APLP1: variants seen among roughly 807,000 people sequenced by gnomAD.
APLP1 encodes amyloid beta (A4) precursor-like protein 1.
A neutral mutation model predicts 84.5 loss-of-function variants in APLP1; 46 were observed. That is an observed-to-expected ratio of 0.54 (90% confidence interval 0.43 to 0.70). The LOEUF (loss-of-function observed/expected upper bound fraction) is 0.70. Among genes scored for constraint, APLP1 ranks in the 30% least tolerant of loss-of-function variants. The probability of loss-of-function intolerance (pLI) is 0.00; values close to 1 mark genes in which losing one functional copy is unlikely to be tolerated. For synonymous variants in APLP1, 376 were observed against 364.0 expected, an observed-to-expected ratio of 1.03 and a Z score of -0.38; for missense variants, 826 against 900.2, an observed-to-expected ratio of 0.92 and a Z score of 1.05.
intron 4 of APLP1, 92 bp downstream of exon 4, chr19:35,871,441 C>T: frequency 7.4e-7 from 1 of 1,348,718 alleles, no homozygotes; most frequent in East Asian, 2.5e-5. Flanking sequence ...GAGTCTGGGC[C>T]ACCAGCATCC....
chr19:35,876,337 GACTT>G (rs1474561593), intron 10 of APLP1, among the ~76,000 whole-genome samples, 176 bp from the exon 11 acceptor site: 2 of 151,998 alleles, frequency 1.3e-5, no homozygotes, highest in Non-Finnish European at 2.9e-5. Context: ...CTGTTCCTTG[GACTT>G]TATTCTTCAA....
Position 35,879,209 on chromosome 19 carries a change from G to T in APLP1, c.1849G>T (p.Val617Leu). Residue 617 changes from valine to leucine, a missense_variant, in exon 16 of 17, where the codon GTG becomes TTG. Val to Leu is a conservative substitution (Grantham distance 32, BLOSUM62 1). Around this residue, in one of 3 missense-constraint regions of APLP1, gnomAD observed 433 missense variants for 496.5 expected, o/e 0.87. Transcript: ENST00000221891. Reference sequence around the variant, plus strand: ...GCCCTACGGGGCTATCAGCCATGGCGTGGTGGAGGTGAGAACCATGGCGTG... The same window carrying T: ...GCCCTACGGGGCTATCAGCCATGGCTTGGTGGAGGTGAGAACCATGGCGTG... ...KKPYGAISHG[V>L]VEVDPMLTLE... The T allele has an allele frequency of 6.2e-7, 1 of 1,612,658 alleles. No individual in the cohort carries two copies. Among genetic ancestry groups the T allele is most frequent in the Non-Finnish European group, 8.5e-7 (1 of 1,179,716 alleles).
Position 35,868,751 on chromosome 19 carries a change from A to C in APLP1, c.115A>C (p.Ser39Arg). Residue 39 changes from serine (S) to arginine (R), a missense_variant, in exon 1 of 17, where the codon AGC becomes CGC. Ser to Arg is a moderately radical substitution (Grantham distance 110). This residue lies in a region of APLP1 where 383 missense variants were observed against 378.3 expected (regional missense o/e 1.01). Transcript: ENST00000221891. This position sits in a 1 kb window ranked among gnomAD's most constrained non-coding sequence, Gnocchi z 5.2. ...LLLRAQPAIG[S>R]LAGGSPGAAE... Reference sequence around the variant, plus strand: ...TCTGCGCGCGCAGCCCGCCATCGGGAGCCTGGCCGGTGGGAGCCCCGGCGC... The same window carrying C: ...TCTGCGCGCGCAGCCCGCCATCGGGCGCCTGGCCGGTGGGAGCCCCGGCGC... The C allele has an allele frequency of 1.5e-6, 2 of 1,351,180 alleles. No homozygotes were observed. The highest frequency in any genetic ancestry group is 1.9e-6 in the Non-Finnish European group (2 of 1,057,002). The allele number at this position is 1,351,180 out of a possible 1,614,324, so 83.7% of individuals were successfully genotyped here.
In APLP1 at chr19:35,876,404, T is replaced by C. The variant is rs1190880216; in HGVS notation, c.1345-113T>C. The C allele has an allele frequency of 1.6e-5, 14 of 878,624 alleles. No individual in the cohort carries two copies. In the East Asian group the frequency reaches 3.0e-4, roughly 19 times the overall value. 54.4% of individuals were successfully genotyped at this position (878,624 alleles called of 1,614,324 possible). Reference sequence around the variant, plus strand: ...ACCCTTGTACCACACATCCTGTCCATTGCATGTGCCGCTTTTCCTCAGTCG... The same window carrying C: ...ACCCTTGTACCACACATCCTGTCCACTGCATGTGCCGCTTTTCCTCAGTCG... On this transcript the variant is annotated intron_variant, in intron 10 of 16. Coordinates refer to ENST00000221891, the MANE Select transcript of APLP1 (RefSeq NM_001024807.3).
chr19:35,874,899 G>T lies in APLP1; in HGVS notation c.1344+30G>T, dbSNP rs765019201. On this transcript the variant is annotated intron_variant, in intron 10 of 16. Coordinates refer to ENST00000221891, the MANE Select transcript of APLP1 (RefSeq NM_001024807.3). This position sits in a 1 kb window ranked among gnomAD's most constrained non-coding sequence, Gnocchi z 6.4. ...TCACATCCTTCCAGCTCCCAAATGC[G>T]CCGCTATTCCTCAGACGCCCGCGCC... The T allele has an allele frequency of 2.0e-5, 32 of 1,599,946 alleles. No individual in the cohort carries two copies. Among genetic ancestry groups the T allele is most frequent in the Middle Eastern group, 2.1e-4 (1 of 4,688 alleles).
intron 16 of APLP1, 23 bp downstream of exon 16, chr19:35,879,240 G>A (rs1351380435): frequency 1.2e-6 from 2 of 1,610,212 alleles, no homozygotes; most frequent in Non-Finnish European, 1.7e-6. Flanking sequence ...GCGTGGTGGA[G>A]GTGTGGGAAG....
chr19:35,870,167 C>A, intron 2 of APLP1: 1 of 287,908 alleles, frequency 3.5e-6, no homozygotes, highest in South Asian at 7.5e-5. Context: ...GCTGGGGGGG[C>A]GTGGCCATGA....
intron 2 of APLP1, chr19:35,870,288 G>T (rs767608575): frequency 7.6e-5 from 14 of 183,340 alleles, no homozygotes; most frequent in Non-Finnish European, 1.0e-4. Context: ...CTGCGGGGAG[G>T]GGTGACCAGA....
Position 35,872,604 on chromosome 19 carries a change from G to A in APLP1, c.972G>A (p.Gln324=). Residue 324 remains glutamine, a synonymous_variant, in exon 7 of 17, where the codon CAG becomes CAA. Coordinates refer to ENST00000221891, the MANE Select transcript of APLP1 (RefSeq NM_001024807.3). ...ACCTGGAGGAGCGTAGGATGCGCCA[G>A]ATTAATGAGGTGATAATACTGGGGG... is the stretch of plus-strand genomic sequence containing the variant. The part of the protein sequence containing the change: ...KMDLEERRMR[Q]INEVMREWAM... 2 of 1,613,202 alleles carry A rather than the reference G, an allele frequency of 1.2e-6. No homozygotes were observed. The highest frequency in any genetic ancestry group is 1.7e-6 in the Non-Finnish European group (2 of 1,179,446).
rs1422781486 is a variant in APLP1, at chr19:35,868,590, C to A, written c.-47C>A. 2 of 1,223,112 alleles carry A rather than the reference C, an allele frequency of 1.6e-6. No homozygotes were observed. Among genetic ancestry groups the A allele is most frequent in the Non-Finnish European group, 2.0e-6 (2 of 980,856 alleles). 75.8% of individuals were successfully genotyped at this position (1,223,112 alleles called of 1,614,324 possible). On this transcript the variant is annotated 5_prime_UTR_variant, in exon 1 of 17. Coordinates refer to ENST00000221891, the MANE Select transcript of APLP1 (RefSeq NM_001024807.3). This position sits in a 1 kb window ranked among gnomAD's most constrained non-coding sequence, Gnocchi z 5.2. Reference sequence around the variant, plus strand: ...TGGGAGCTCCTGTCACCGCTGGGGCCGGGCCGGGCGGGAGTGCAGGGGACG... The same window carrying A: ...TGGGAGCTCCTGTCACCGCTGGGGCAGGGCCGGGCGGGAGTGCAGGGGACG...
chr19:35,874,361 C>A lies in APLP1; in HGVS notation c.1057-143C>A. The A allele has an allele frequency of 2.0e-6, 2 of 1,004,290 alleles. No homozygotes were observed. Among genetic ancestry groups the A allele is most frequent in the East Asian group, 4.8e-5 (2 of 41,612 alleles). 62.2% of individuals were successfully genotyped at this position (1,004,290 alleles called of 1,614,324 possible). ...TGCCTGGCCCTGTAGCCCACCCCTT[C>A]CAGTCCATAACCTTTGGTTCTGCCC... is the stretch of plus-strand genomic sequence containing the variant. On this transcript the variant is annotated intron_variant, in intron 8 of 16. Transcript: ENST00000221891. The surrounding 1 kb of genome is among the most constrained non-coding windows in gnomAD (Gnocchi z 6.4).
Position 35,878,610 on chromosome 19 carries a change from C to G in APLP1, c.1606C>G (p.Pro536Ala). The change falls in exon 14 of 17, where the codon CCT (proline) becomes GCT (alanine). Residue 536 changes from proline to alanine, a missense_variant. Pro to Ala is a conservative substitution (Grantham distance 27). Coordinates refer to ENST00000221891, the MANE Select transcript of APLP1 (RefSeq NM_001024807.3). ...KGSTEQDAASPEKEKMNPLEQ... is the reference protein window; with the variant it reads ...KGSTEQDAASAEKEKMNPLEQ... ...GTCCACAGAACAAGATGCTGCATCC[C>G]CTGAGAAAGAGAAGATGAACCCGCT... The G allele has an allele frequency of 6.2e-7, 1 of 1,613,838 alleles. No individual in the cohort carries two copies. Among genetic ancestry groups the G allele is most frequent in the Non-Finnish European group, 8.5e-7 (1 of 1,179,996 alleles).
rs964374156 is a variant in APLP1 at position 35,879,547 on chromosome 19, T to C, written c.*106T>C. The C allele has an allele frequency of 1.4e-5, 12 of 884,474 alleles. No individual in the cohort carries two copies. The highest frequency in any genetic ancestry group is 1.9e-5 in the Non-Finnish European group (11 of 569,036). The allele number at this position is 884,474 out of a possible 1,614,324, so 54.8% of individuals were successfully genotyped here. ...CAGCAGGGAGTCTTGAAGTGATCAT[T>C]TCACACCCTTTTGTGAGACGGCTGG... On this transcript the variant is annotated 3_prime_UTR_variant, in exon 17 of 17. Coordinates refer to ENST00000221891, the MANE Select transcript of APLP1 (RefSeq NM_001024807.3).
chr19:35,873,858 G>A (rs1974217814), intron 8 of APLP1, 145 bp downstream of exon 8: 6 of 736,356 alleles, frequency 8.1e-6, no homozygotes, highest in African/African-American at 1.7e-5. Flanking sequence ...CCTACATGCA[G>A]CTCTGCCCCT....
chr19:35,878,476 G>T lies in APLP1; in HGVS notation c.1580-108G>T, dbSNP rs1369436016. The stretch of plus-strand genomic sequence containing the variant: ...TAGAAGGATCACTGGAGCCCAGGAA[G>T]TTGAGGCTGCAGTGAGCTGAGATCA... On this transcript the variant is annotated intron_variant, in intron 13 of 16. Coordinates refer to ENST00000221891, the MANE Select transcript of APLP1 (RefSeq NM_001024807.3). 3.5e-6 allele frequency: 4 copies of T among 1,144,194 alleles called. No homozygotes were observed. The East Asian group carries it at 9.7e-5, about 28-fold the overall frequency. The allele number at this position is 1,144,194 out of a possible 1,614,324, so 70.9% of individuals were successfully genotyped here.
In APLP1 at chr19:35,870,881, A is replaced by T. The variant is rs1164378329; in HGVS notation, c.292-15A>T. ...GCGGGGCAGTGGGCTGATTGCCCCCATCTGATCCCCCCAGATGTACCCGGA... is the reference window on the plus strand; with the variant it reads ...GCGGGGCAGTGGGCTGATTGCCCCCTTCTGATCCCCCCAGATGTACCCGGA... On this transcript the variant is annotated splice_polypyrimidine_tract_variant and intron_variant, in intron 2 of 16. Coordinates refer to ENST00000221891, the MANE Select transcript of APLP1 (RefSeq NM_001024807.3). 3.1e-6 allele frequency: 5 copies of T among 1,600,906 alleles called. No homozygotes were observed. In the East Asian group the frequency reaches 1.1e-4, roughly 36 times the overall value.
At chr19:35,869,525 G>A in intron 1 of APLP1, 142 bp from the exon 2 acceptor site, 1 of 1,191,790 alleles carries the variant, frequency 8.4e-7, no homozygotes, top group Non-Finnish European at 1.2e-6. Context: ...GTTTCCCAGG[G>A]AACGGTGCCT....
chr19:35,873,245 C>CTTTTTTTTTTTTTTTT (rs74172771), intron 7 of APLP1, among the ~76,000 whole-genome samples: 12 of 125,834 alleles, frequency 9.5e-5, no homozygotes, highest in African/African-American at 3.2e-4. Flanking sequence ...GCCTTTAAAT[C>CTTTTTTTTTTTTTTTT]TTTTTTTTTT....
At position 35,869,508 on chromosome 19, in the gene APLP1, G is replaced by C. The variant is rs539408042; in HGVS notation, c.148-159G>C. On this transcript the variant is annotated intron_variant, in intron 1 of 16. Coordinates refer to ENST00000221891, the MANE Select transcript of APLP1 (RefSeq NM_001024807.3). ...GAGCGCTGGGGCGCCCCCGCCCTAC[G>C]GGAGCTGTTTCCCAGGGAACGGTGC... 1.3e-5 allele frequency: 13 copies of C among 1,029,890 alleles called. No homozygotes were observed. In the Admixed American group the frequency reaches 2.6e-4, roughly 20 times the overall value. The allele number at this position is 1,029,890 out of a possible 1,614,324, so 63.8% of individuals were successfully genotyped here. A position where few individuals can be genotyped will look rare whatever the true frequency, so the allele number is the denominator to read the frequency against.
Sources: allele counts gnomAD v4.1 joint callset (sites outside exome capture counted in the v4.1 genomes callset), GRCh38; gene constraint gnomAD v4.1.1; regional missense constraint gnomAD v4.1.1; non-coding constraint Gnocchi (gnomAD v3.1); transcripts MANE v1.5; gene names NCBI Gene and HGNC (gene_info 2026-07-23, HGNC 2026-07-21).